Variants in DDAH1 observed in about 807,000 individuals in gnomAD.
The protein encoded by DDAH1 is dimethylarginine dimethylaminohydrolase 1, also known as N(G),N(G)-dimethylarginine dimethylaminohydrolase 1.
Under a neutral mutation model 28.8 loss-of-function variants are expected in DDAH1, and 19 were observed. That is an observed-to-expected ratio of 0.66 (90% CI 0.46 to 0.97). The LOEUF (loss-of-function observed/expected upper bound fraction) is 0.97. Among genes scored for constraint, DDAH1 ranks in the 50% least tolerant of loss-of-function variants. The probability of loss-of-function intolerance (pLI) is 0.00; values close to 1 mark genes in which losing one functional copy is unlikely to be tolerated. For synonymous variants in DDAH1, 153 were observed against 154.4 expected (o/e 0.99, Z 0.07); for missense variants, 326 against 375.9 (o/e 0.87, Z 1.10).
At chr1:85,461,858 C>T (rs1489833426) in intron 1 of DDAH1, among the ~76,000 whole-genome samples, 3 of 152,064 alleles carry the variant, frequency 2.0e-5, no homozygotes, top group Non-Finnish European at 4.4e-5. Context: ...AAAAGGAGAA[C>T]CAATTCCATG....
chr1:85,490,902 T>C (rs765261031), intron 2 of DDAH1, among the ~76,000 whole-genome samples: 16 of 152,216 alleles, frequency 1.1e-4, no homozygotes, highest in Non-Finnish European at 2.2e-4. Context: ...CCAGACATTC[T>C]GAGATTCTGG....
intron 1 of DDAH1, among the ~76,000 whole-genome samples, chr1:85,449,738 G>A (rs1012085838): frequency 1.3e-5 from 2 of 152,140 alleles, no homozygotes; most frequent in African/African-American, 4.8e-5. Flanking sequence ...ATGTGTGGTG[G>A]GTGAAAGTCC....
intron 1 of DDAH1, among the ~76,000 whole-genome samples, chr1:85,502,310 T>C (rs529912232): frequency 1.3e-5 from 2 of 152,322 alleles, no homozygotes; most frequent in East Asian, 3.9e-4. Context: ...GAAACGACAT[T>C]TGCTGACTAC....
At chr1:85,528,698 A>G (rs1313862687) in intron 1 of DDAH1, among the ~76,000 whole-genome samples, 8 of 152,088 alleles carry the variant, frequency 5.3e-5, no homozygotes, top group African/African-American at 1.2e-4. Flanking sequence ...TTTAAAGAAA[A>G]GATAATGAGG....
chr1:85,420,506 C>T (rs1653091608), intron 1 of DDAH1, among the ~76,000 whole-genome samples: 1 of 152,194 alleles, frequency 6.6e-6, no homozygotes, highest in Non-Finnish European at 1.5e-5. Flanking sequence ...TAGGTCATCA[C>T]TCTAAAGTTC....
chr1:85,567,872 T>G (rs1191188196), intron 1 of DDAH1, among the ~76,000 whole-genome samples: 2 of 152,234 alleles, frequency 1.3e-5, no homozygotes, highest in African/African-American at 4.8e-5. Context: ...CTGACATGTA[T>G]GGATCACTCC....
chr1:85,536,502 G>A (rs1282869888), intron 1 of DDAH1, among the ~76,000 whole-genome samples: 8 of 152,124 alleles, frequency 5.3e-5, no homozygotes, highest in African/African-American at 7.2e-5. Flanking sequence ...GCAGTGAGCC[G>A]AGATCACGCC....
rs1372924892 is a variant in DDAH1 at position 85,525,435 on chromosome 1, C to T, written c.-122-29154G>A. On this transcript the variant is annotated intron_variant, in intron 1 of 6. Coordinates refer to the DDAH1 transcript ENST00000426972. ...TAGGAGAAACAGCAAAGGTTCAGTACATTTAAGTCTTTGAAGATTATGGGA... is the reference window on the plus strand; with the variant it reads ...TAGGAGAAACAGCAAAGGTTCAGTATATTTAAGTCTTTGAAGATTATGGGA... Among the ~76,000 whole-genome samples the T allele has an allele frequency of 3.9e-5, 6 of 152,170 alleles. No homozygotes were observed. The East Asian group carries it at 5.8e-4, about 15-fold the overall frequency.
chr1:85,410,008 C>T (rs1470456981), intron 1 of DDAH1, among the ~76,000 whole-genome samples: 1 of 152,158 alleles, frequency 6.6e-6, no homozygotes, highest in African/African-American at 2.4e-5. Context: ...TAGCTGAGCA[C>T]AGTGGCTCAG....
At chr1:85,361,572 A>G (rs901055022) in intron 1 of DDAH1, among the ~76,000 whole-genome samples, 2 of 152,254 alleles carry the variant, frequency 1.3e-5, no homozygotes, top group Non-Finnish European at 2.9e-5. Flanking sequence ...TACTTAATTT[A>G]AGCCTTAGAG....
chr1:85,444,223 A>C (rs948144570), intron 1 of DDAH1, among the ~76,000 whole-genome samples: 3 of 152,160 alleles, frequency 2.0e-5, no homozygotes, highest in African/African-American at 7.2e-5. Context: ...TTTTAGCATG[A>C]AGGGCTGTTG....
At chr1:85,507,813 TG>T (rs984689942) in intron 1 of DDAH1, among the ~76,000 whole-genome samples, 63 of 152,312 alleles carry the variant, frequency 4.1e-4, no homozygotes, top group African/African-American at 1.5e-3. Context: ...AAATGACTTT[TG>T]GAGGAATAAA....
At chr1:85,342,345 TTCACACAGTAAG>T (rs1648547890) in intron 4 of DDAH1, among the ~76,000 whole-genome samples, 1 of 152,090 alleles carries the variant, frequency 6.6e-6, no homozygotes, top group South Asian at 2.1e-4. Context: ...GGCATATATC[TTCACACAGTAAG>T]ATCAGGTCCT....
intron 1 of DDAH1, among the ~76,000 whole-genome samples, chr1:85,422,211 G>A (rs1382600003): frequency 3.3e-5 from 5 of 152,126 alleles, no homozygotes; most frequent in Admixed American, 1.3e-4. Flanking sequence ...CTTCTTTGGT[G>A]AAGAGTCTGT....
Position 85,324,757 on chromosome 1 carries a change from A to G in DDAH1, c.724T>C (p.Tyr242His). Residue 242 changes from tyrosine (Y) to histidine (H), a missense_variant, in exon 5 of 6, where the codon TAT becomes CAT. By Grantham distance (83) the Tyr-to-His change is moderately conservative. Transcript: ENST00000284031. ...TTTTTTACCTTTGCACTTTCTGGAT[A>G]CTCTTCCGGGGTTCGGTGCAGCAAG... ...HVLLHRTPEE[Y>H]PESAKVYEKL... 1.2e-6 allele frequency: 2 copies of G among 1,613,848 alleles called. No individual in the cohort carries two copies. The highest frequency in any genetic ancestry group is 1.7e-6 in the Non-Finnish European group (2 of 1,179,968).
At chr1:85,459,295 G>A (rs1025585647) in intron 1 of DDAH1, among the ~76,000 whole-genome samples, 1 of 152,188 alleles carries the variant, frequency 6.6e-6, no homozygotes, top group African/African-American at 2.4e-5. Flanking sequence ...GTCTTATAAT[G>A]GTTCTCTAAT....
chr1:85,513,796 C>A (rs894734949), intron 1 of DDAH1, among the ~76,000 whole-genome samples: 27 of 152,188 alleles, frequency 1.8e-4, no homozygotes, highest in Admixed American at 1.8e-3. Flanking sequence ...ATCAAAACCA[C>A]AATAAGATAC....
intron 1 of DDAH1, among the ~76,000 whole-genome samples, chr1:85,531,402 C>T (rs1452981623): frequency 1.3e-5 from 2 of 152,172 alleles, no homozygotes; most frequent in African/African-American, 2.4e-5. Context: ...TCTATAGATA[C>T]AGTATTCAGT....
At chr1:85,472,912 G>A (rs189354477) in intron 2 of DDAH1, among the ~76,000 whole-genome samples, 1 of 152,144 alleles carries the variant, frequency 6.6e-6, no homozygotes, top group Non-Finnish European at 1.5e-5. Context: ...TGTTGTTTTC[G>A]TCTTTATGTC....
Sources: gnomAD v4.1 joint callset for allele counts (sites outside exome capture counted in the v4.1 genomes callset) on GRCh38, gnomAD v4.1.1 for gene constraint, MANE v1.5 for transcripts, NCBI Gene and HGNC (gene_info 2026-07-23, HGNC 2026-07-21) for gene names.